CDKAL1: variants seen among roughly 807,000 people sequenced by gnomAD.
CDKAL1 encodes CDKAL1 threonylcarbamoyladenosine tRNA methylthiotransferase, also known as threonylcarbamoyladenosine tRNA methylthiotransferase.
In CDKAL1, 32 loss-of-function variants were observed where a neutral mutation model predicts 68.2. That is an observed-to-expected ratio of 0.47 (90% CI 0.35 to 0.63). The LOEUF (loss-of-function observed/expected upper bound fraction) is 0.63. Among genes scored for constraint, CDKAL1 ranks in the 30% least tolerant of loss-of-function variants. The pLI is 0.00. For synonymous variants in CDKAL1, 234 were observed against 244.3 expected (o/e 0.96, Z 0.39); for missense variants, 606 against 696.7 (o/e 0.87, Z 1.47).
intron 9 of CDKAL1, among the ~76,000 whole-genome samples, chr6:20,894,201 A>G (rs1761555631): frequency 1.0e-5 from 1 of 96,842 alleles, no homozygotes; most frequent in Non-Finnish European, 2.6e-5. Context: ...ATTGACCTCA[A>G]CTATTTAATT....
chr6:20,619,616 A>G (rs1272929846), intron 4 of CDKAL1, among the ~76,000 whole-genome samples: 3 of 152,206 alleles, frequency 2.0e-5, no homozygotes, highest in South Asian at 2.1e-4. Context: ...CATTTGTATC[A>G]TTCATATATC....
At chr6:20,676,065 A>G (rs1770080884) in intron 5 of CDKAL1, among the ~76,000 whole-genome samples, 3 of 152,322 alleles carry the variant, frequency 2.0e-5, no homozygotes, top group Admixed American at 6.5e-5. Context: ...AGGTTATGGA[A>G]TAAAGATAAA....
intron 4 of CDKAL1, among the ~76,000 whole-genome samples, chr6:20,612,222 G>A (rs1251757061): frequency 6.6e-6 from 1 of 152,116 alleles, no homozygotes; most frequent in Non-Finnish European, 1.5e-5. Flanking sequence ...TGGAAGTGCA[G>A]GTATCCTTTT....
intron 4 of CDKAL1, among the ~76,000 whole-genome samples, chr6:20,636,803 G>T (rs959287482): frequency 6.6e-6 from 1 of 152,182 alleles, no homozygotes; most frequent in Admixed American, 6.5e-5. Context: ...TTGGGAGGCC[G>T]AGGCGGGTGG....
intron 13 of CDKAL1, among the ~76,000 whole-genome samples, chr6:21,188,647 T>C (rs749996044): frequency 6.6e-6 from 1 of 152,154 alleles, no homozygotes; most frequent in Non-Finnish European, 1.5e-5. Context: ...CCATAGAACT[T>C]CAGTTTTCAA....
chr6:20,803,906 A>T (rs1215613410), intron 8 of CDKAL1, among the ~76,000 whole-genome samples: 1 of 152,170 alleles, frequency 6.6e-6, no homozygotes, highest in Admixed American at 6.5e-5. Flanking sequence ...GCTTAGGATA[A>T]TATAACACTT....
In CDKAL1 at chr6:20,889,296, G is replaced by A. The variant is rs979002016; in HGVS notation, c.742+43118G>A. Among the ~76,000 whole-genome samples the A allele has an allele frequency of 1.4e-3, 214 of 152,138 alleles. 1 individual carries two copies. The highest frequency in any genetic ancestry group is 2.4e-3 in the Non-Finnish European group (160 of 67,998). On this transcript the variant is annotated intron_variant, in intron 9 of 15. Coordinates refer to ENST00000274695, the MANE Select transcript of CDKAL1 (RefSeq NM_017774.3). ...GCCCTTTGTCAGATGAGTAGGTTGC[G>A]AAAATTTTCTCCCATGTTGTAGGTT... is the stretch of plus-strand genomic sequence containing the variant.
At chr6:20,740,575 ACAT>A (rs1773410658) in intron 6 of CDKAL1, among the ~76,000 whole-genome samples, 1 of 152,180 alleles carries the variant, frequency 6.6e-6, no homozygotes, top group African/African-American at 2.4e-5. Context: ...ATATGTAAAA[ACAT>A]CATATGCTCA....
intron 9 of CDKAL1, among the ~76,000 whole-genome samples, chr6:20,944,406 G>A (rs1421204769): frequency 6.6e-6 from 1 of 152,216 alleles, no homozygotes; most frequent in Non-Finnish European, 1.5e-5. Context: ...GGAGGGCAGT[G>A]GCGTGATCTC....
intron 4 of CDKAL1, among the ~76,000 whole-genome samples, chr6:20,582,418 G>A (rs1765176592): frequency 6.6e-6 from 1 of 152,108 alleles, no homozygotes; most frequent in African/African-American, 2.4e-5. Flanking sequence ...ATTTAAAATA[G>A]CATTATATGA....
chr6:20,654,825 C>G (rs1157494434), intron 5 of CDKAL1, among the ~76,000 whole-genome samples: 1 of 152,042 alleles, frequency 6.6e-6, no homozygotes, highest in Non-Finnish European at 1.5e-5. Context: ...TTTCTTTATT[C>G]TGGTTCTTGT....
In CDKAL1 at chr6:20,587,248, A is replaced by G. The variant is rs776482663; in HGVS notation, c.286+38543A>G. Among the ~76,000 whole-genome samples the G allele has an allele frequency of 2.8e-3, 431 of 151,914 alleles. 4 individuals carry two copies. The highest frequency in any genetic ancestry group is 3.7e-3 in the Non-Finnish European group (251 of 67,942). Reference sequence around the variant, plus strand: ...GTGATCCACCTGCCGCAGCCTCCCAAAGTGCTGGGATTACAGGCATGAGCT... The same window carrying G: ...GTGATCCACCTGCCGCAGCCTCCCAGAGTGCTGGGATTACAGGCATGAGCT... On this transcript the variant is annotated intron_variant, in intron 4 of 15. Coordinates refer to ENST00000274695, the MANE Select transcript of CDKAL1 (RefSeq NM_017774.3).
At chr6:21,172,079 T>C (rs1397739517) in intron 13 of CDKAL1, among the ~76,000 whole-genome samples, 11 of 152,178 alleles carry the variant, frequency 7.2e-5, no homozygotes, top group African/African-American at 2.7e-4. Flanking sequence ...TCACATATTT[T>C]AAGGGAACAT....
intron 9 of CDKAL1, among the ~76,000 whole-genome samples, chr6:20,901,838 G>A (rs1008234596): frequency 2.0e-5 from 3 of 151,532 alleles, no homozygotes; most frequent in Admixed American, 1.3e-4. Flanking sequence ...GTACCATGGC[G>A]CAATCTCAGC....
chr6:21,199,460 C>A (rs1405177481), intron 14 of CDKAL1, among the ~76,000 whole-genome samples: 2 of 152,182 alleles, frequency 1.3e-5, no homozygotes, highest in African/African-American at 4.8e-5. Flanking sequence ...TTCAGGCCAA[C>A]CTTCTGCTCA....
chr6:20,730,041 C>G (rs1030144118), intron 5 of CDKAL1, among the ~76,000 whole-genome samples: 2 of 152,118 alleles, frequency 1.3e-5, no homozygotes, highest in African/African-American at 2.4e-5. Flanking sequence ...TTACATTGGC[C>G]TGGCACAGTG....
At chr6:21,142,615 C>T (rs2151036655) in intron 13 of CDKAL1, among the ~76,000 whole-genome samples, 1 of 152,208 alleles carries the variant, frequency 6.6e-6, no homozygotes, top group Middle Eastern at 3.4e-3. Flanking sequence ...GAGCATAGTG[C>T]CAGGTATTAT....
intron 5 of CDKAL1, among the ~76,000 whole-genome samples, chr6:20,703,375 A>G (rs1194828896): frequency 6.6e-6 from 1 of 152,152 alleles, no homozygotes; most frequent in African/African-American, 2.4e-5. Flanking sequence ...AAAATCTAAA[A>G]TATTTATTAT....
At chr6:20,915,795 A>G (rs963235330) in intron 9 of CDKAL1, among the ~76,000 whole-genome samples, 1 of 152,198 alleles carries the variant, frequency 6.6e-6, no homozygotes, top group African/African-American at 2.4e-5. Flanking sequence ...AACTGGAAAT[A>G]ACCCATATGT....
Sources: allele counts gnomAD v4.1 joint callset (sites outside exome capture counted in the v4.1 genomes callset), GRCh38; gene constraint gnomAD v4.1.1; transcripts MANE v1.5; gene names NCBI Gene and HGNC (gene_info 2026-07-23, HGNC 2026-07-21).